Variants in RAB3C observed in about 807,000 individuals in gnomAD.
The protein encoded by RAB3C is ras-related protein Rab-3C.
RAB3C carries 17 observed loss-of-function variants against 26.4 expected under a neutral mutation model. The observed-to-expected ratio is 0.64, with a 90% confidence interval of 0.44 to 0.97. RAB3C has a LOEUF of 0.97. Among genes scored for constraint, RAB3C ranks in the 50% least tolerant of loss-of-function variants. The pLI, the probability that RAB3C is intolerant of heterozygous loss-of-function variation, is 0.00. For synonymous variants in RAB3C, 91 were observed against 95.9 expected, an observed-to-expected ratio of 0.95 and a Z score of 0.30; for missense variants, 242 against 281.9, an observed-to-expected ratio of 0.86 and a Z score of 1.01.
intron 2 of RAB3C, among the ~76,000 whole-genome samples, chr5:58,711,551 CA>C (rs1749061876): frequency 6.6e-6 from 1 of 152,124 alleles, no homozygotes; most frequent in Non-Finnish European, 1.5e-5. Context: ...CTTTGTGCCA[CA>C]CATTGCTATT....
At position 58,598,659 on chromosome 5, in the gene RAB3C, G is replaced by T. The variant is rs1007338594; in HGVS notation, c.24+15427G>T. Reference sequence around the variant, plus strand: ...CTCCTTGTAGTGTGTCTGGATCACAGAACACTTCTATCTAAACACAGATGC... The same window carrying T: ...CTCCTTGTAGTGTGTCTGGATCACATAACACTTCTATCTAAACACAGATGC... On this transcript the variant is annotated intron_variant, in intron 1 of 4. Transcript: ENST00000282878. Among the ~76,000 whole-genome samples, 4 of 152,096 alleles carry T rather than the reference G, an allele frequency of 2.6e-5. No individual in the cohort carries two copies. The East Asian group carries it at 7.7e-4, about 29-fold the overall frequency.
chr5:58,832,788 G>A, intron 4 of RAB3C, among the ~76,000 whole-genome samples: 1 of 152,140 alleles, frequency 6.6e-6, no homozygotes, highest in East Asian at 1.9e-4. Context: ...ATTCTGGAGG[G>A]ATCTAAGCCT....
chr5:58,708,775 G>A (rs1201962459), intron 2 of RAB3C, among the ~76,000 whole-genome samples: 1 of 152,136 alleles, frequency 6.6e-6, no homozygotes, highest in Non-Finnish European at 1.5e-5. Context: ...TGCTTTTATG[G>A]ACTGCCAGAT....
chr5:58,695,008 G>C (rs1748665893), intron 2 of RAB3C, among the ~76,000 whole-genome samples: 1 of 152,074 alleles, frequency 6.6e-6, no homozygotes, highest in South Asian at 2.1e-4. Context: ...CTTTGCCCAT[G>C]TTTATGTCCT....
chr5:58,657,652 A>G (rs7726450), intron 2 of RAB3C, among the ~76,000 whole-genome samples: 4,323 of 152,270 alleles, frequency 0.028, 191 homozygotes, highest in African/African-American at 0.099. Context: ...CCAGACCATA[A>G]TAGGCCTTAT....
intron 2 of RAB3C, among the ~76,000 whole-genome samples, chr5:58,685,886 G>A (rs1206620028): frequency 1.3e-5 from 2 of 152,126 alleles, no homozygotes; most frequent in South Asian, 2.1e-4. Flanking sequence ...AGAGATGGAC[G>A]CATAGTTCAA....
intron 3 of RAB3C, among the ~76,000 whole-genome samples, chr5:58,772,340 G>A (rs1742046485): frequency 6.6e-6 from 1 of 152,156 alleles, no homozygotes; most frequent in Non-Finnish European, 1.5e-5. Flanking sequence ...TGGGGTGTTT[G>A]GAGATCCTGG....
chr5:58,618,782 C>T (rs1746876216), intron 2 of RAB3C, among the ~76,000 whole-genome samples: 1 of 152,050 alleles, frequency 6.6e-6, no homozygotes, highest in Non-Finnish European at 1.5e-5. Context: ...TTTCCTATTC[C>T]TTTGTACCTC....
chr5:58,839,368 T>TATTG (rs1743825560), intron 4 of RAB3C, among the ~76,000 whole-genome samples: 1 of 150,858 alleles, frequency 6.6e-6, no homozygotes, highest in African/African-American at 2.4e-5. Flanking sequence ...TTTATTTATT[T>TATTG]ATTTATTTAT....
chr5:58,648,743 A>T (rs1458464151), intron 2 of RAB3C, among the ~76,000 whole-genome samples: 1 of 152,234 alleles, frequency 6.6e-6, no homozygotes, highest in Non-Finnish European at 1.5e-5. Flanking sequence ...AGCAAGCTAT[A>T]AAAGATACAA....
chr5:58,848,666 A>G (rs1375502058), intron 4 of RAB3C: 2 of 152,198 alleles, frequency 1.3e-5, no homozygotes, highest in Admixed American at 6.5e-5. Context: ...TATTATTGCT[A>G]TTGTTGTTAT....
chr5:58,735,585 A>T (rs1741116085), intron 3 of RAB3C, among the ~76,000 whole-genome samples: 1 of 152,162 alleles, frequency 6.6e-6, no homozygotes, highest in South Asian at 2.1e-4. Flanking sequence ...TGTCCACAAG[A>T]TTGATTCTTT....
intron 2 of RAB3C, among the ~76,000 whole-genome samples, chr5:58,639,968 C>G (rs1328974759): frequency 6.6e-6 from 1 of 152,176 alleles, no homozygotes; most frequent in Non-Finnish European, 1.5e-5. Flanking sequence ...CATTCTCTTT[C>G]TTTATCCACA....
chr5:58,654,828 C>A (rs1405608572), intron 2 of RAB3C, among the ~76,000 whole-genome samples: 2 of 152,158 alleles, frequency 1.3e-5, no homozygotes, highest in Non-Finnish European at 2.9e-5. Context: ...CTTCATTCAA[C>A]ATTTATTGGG....
intron 4 of RAB3C, among the ~76,000 whole-genome samples, chr5:58,840,334 A>T (rs1402948753): frequency 6.6e-6 from 1 of 152,046 alleles, no homozygotes; most frequent in Non-Finnish European, 1.5e-5. Context: ...CTTTTTAATG[A>T]TACCCATCTC....
chr5:58,774,491 A>G (rs527844337), intron 3 of RAB3C, among the ~76,000 whole-genome samples: 1 of 152,292 alleles, frequency 6.6e-6, no homozygotes, highest in East Asian at 1.9e-4. Context: ...CACTGTTTCT[A>G]GCACTACAGA....
At chr5:58,594,578 C>T (rs546055153) in intron 1 of RAB3C, among the ~76,000 whole-genome samples, 1 of 152,152 alleles carries the variant, frequency 6.6e-6, no homozygotes, top group East Asian at 1.9e-4. Flanking sequence ...ATTATGAATA[C>T]ACCAAGTTTT....
chr5:58,666,053 A>G (rs1747995819), intron 2 of RAB3C, among the ~76,000 whole-genome samples: 2 of 152,188 alleles, frequency 1.3e-5, no homozygotes, highest in African/African-American at 4.8e-5. Context: ...CTGTTTCTGC[A>G]ATAGATTTCT....
intron 2 of RAB3C, among the ~76,000 whole-genome samples, chr5:58,719,926 G>T (rs1740707110): frequency 6.6e-6 from 1 of 151,694 alleles, no homozygotes; most frequent in Non-Finnish European, 1.5e-5. Context: ...AAAACTTATT[G>T]AAATAATTTA....
Sources: allele counts gnomAD v4.1 joint callset (sites outside exome capture counted in the v4.1 genomes callset), GRCh38; gene constraint gnomAD v4.1.1; transcripts MANE v1.5; gene names NCBI Gene and HGNC (gene_info 2026-07-23, HGNC 2026-07-21).